ELF1: variants seen among roughly 807,000 people sequenced by gnomAD.
ELF1 encodes ETS-related transcription factor Elf-1.
ELF1 carries 24 observed loss-of-function variants against 59.9 expected under a neutral mutation model. The observed-to-expected ratio is 0.40, with a 90% CI of 0.29 to 0.56. The LOEUF is 0.56. ELF1 is among the 20% of genes least tolerant of loss of function. The pLI is 0.44. For synonymous variants in ELF1, 248 were observed against 266.2 expected (o/e 0.93, Z 0.67); for missense variants, 627 against 742.2 (o/e 0.84, Z 1.80).
chr13:40,971,439 C>G (rs1012382835), intron 2 of ELF1, among the ~76,000 whole-genome samples: 8 of 151,906 alleles, frequency 5.3e-5, no homozygotes, highest in African/African-American at 1.9e-4. Flanking sequence ...TTAATAGAAA[C>G]GGGGTCTCCC....
At chr13:41,011,235 A>G (rs2138364275) in intron 1 of ELF1, among the ~76,000 whole-genome samples, 1 of 152,338 alleles carries the variant, frequency 6.6e-6, no homozygotes, top group Middle Eastern at 3.4e-3. Flanking sequence ...TGTGTTTTTG[A>G]GAAGTATTTG....
chr13:41,013,971 T>C (rs968544611), intron 1 of ELF1, among the ~76,000 whole-genome samples: 3 of 152,070 alleles, frequency 2.0e-5, no homozygotes, highest in Non-Finnish European at 4.4e-5. Flanking sequence ...AATTGTACCA[T>C]GTAACAGCCC....
chr13:40,946,932 T>C (rs543974519), intron 5 of ELF1, among the ~76,000 whole-genome samples: 15 of 152,290 alleles, frequency 9.8e-5, no homozygotes, highest in Admixed American at 9.2e-4. Context: ...AACCCCCACA[T>C]TGTTTGGGGG....
chr13:40,956,272 C>G (rs1449778755), intron 3 of ELF1, among the ~76,000 whole-genome samples: 1 of 151,838 alleles, frequency 6.6e-6, no homozygotes, highest in Non-Finnish European at 1.5e-5. Context: ...TGTGACCTTA[C>G]CCCCAACCCT....
intron 1 of ELF1, among the ~76,000 whole-genome samples, chr13:41,034,225 A>C (rs1876284244): frequency 6.6e-6 from 1 of 152,204 alleles, no homozygotes; most frequent in South Asian, 2.1e-4. Flanking sequence ...TGAGAGAGAT[A>C]ACCATTAAGT....
At chr13:40,956,131 G>A (rs1422061833) in intron 3 of ELF1, among the ~76,000 whole-genome samples, 2 of 150,340 alleles carry the variant, frequency 1.3e-5, no homozygotes, top group Non-Finnish European at 3.0e-5. Context: ...GGAATAGAAA[G>A]GGGGGAAAGG....
chr13:41,015,920 C>T (rs1025677515), intron 1 of ELF1, among the ~76,000 whole-genome samples: 3 of 147,326 alleles, frequency 2.0e-5, no homozygotes, highest in Non-Finnish European at 4.4e-5. Flanking sequence ...TTGAAAAAGA[C>T]AGAAAAACAG....
Position 40,973,744 on chromosome 13 carries a change from C to A in ELF1, c.72+8239G>T, listed in dbSNP as rs558549143. ...CTGACAAGAAACTGACCAACACAAA[C>A]CTCATTTTAAAAAGTGTTCTTTGAA... On this transcript the variant is annotated intron_variant, in intron 2 of 8. Transcript: ENST00000239882. Among the ~76,000 whole-genome samples, 142 of 151,872 alleles carry A rather than the reference C, an allele frequency of 9.3e-4. 2 individuals are homozygous for A. In the Middle Eastern group the frequency reaches 0.01, roughly 11 times the overall value.
chr13:40,998,066 C>T (rs1874217712), intron 1 of ELF1, among the ~76,000 whole-genome samples: 1 of 152,026 alleles, frequency 6.6e-6, no homozygotes, highest in African/African-American at 2.4e-5. Flanking sequence ...AGGATCACTT[C>T]AGCCCAAAAG....
chr13:41,060,929 C>CGCCGCCGCCGCCGCCGCCGCCGCT (rs1555283696), exon 1 of ELF1: 4 of 363,634 alleles, frequency 1.1e-5, no homozygotes, highest in African/African-American at 9.1e-5. Flanking sequence ...CCGCCGCCGC[C>CGCCGCCGCCGCCGCCGCCGCCGCT]GCCGCCGCCG....
In ELF1 at chr13:41,028,086, G is replaced by A. The variant is rs79378150; in HGVS notation, c.-229+32752C>T. ...AGCAAAATTTTTACTTCCTGTTCCC[G>A]TAACTTTATGCTCTTTTGGCCTAGA... On this transcript the variant is annotated intron_variant, in intron 1 of 1. Transcript: ENST00000405737. 2.7e-3 allele frequency among the ~76,000 whole-genome samples: 418 copies of A among 152,196 alleles called. 7 individuals carry two copies. In the East Asian group the frequency reaches 0.049, roughly 18 times the overall value.
At chr13:40,976,390 A>T (rs563655630) in intron 2 of ELF1, among the ~76,000 whole-genome samples, 2 of 152,352 alleles carry the variant, frequency 1.3e-5, no homozygotes, top group East Asian at 3.9e-4. Context: ...ATGGTGAAGC[A>T]TTCCCAAAGT....
intron 1 of ELF1, among the ~76,000 whole-genome samples, chr13:41,030,899 G>A (rs761763424): frequency 9.2e-5 from 14 of 151,900 alleles, no homozygotes; most frequent in Non-Finnish European, 1.3e-4. Context: ...GGTGGCTCAC[G>A]CCTATAATCC....
intron 1 of ELF1, among the ~76,000 whole-genome samples, chr13:41,017,543 T>A (rs1294674622): frequency 6.6e-6 from 1 of 152,158 alleles, no homozygotes; most frequent in Non-Finnish European, 1.5e-5. Flanking sequence ...GGGAAATACT[T>A]AATAAATTGT....
At chr13:41,013,461 T>G (rs1386605593) in intron 1 of ELF1, among the ~76,000 whole-genome samples, 3 of 152,164 alleles carry the variant, frequency 2.0e-5, no homozygotes, top group African/African-American at 7.2e-5. Context: ...GCAAAGTCAC[T>G]ACAGAATATA....
chr13:41,052,608 T>C (rs1398137073), intron 1 of ELF1, among the ~76,000 whole-genome samples: 2 of 152,052 alleles, frequency 1.3e-5, no homozygotes, highest in Non-Finnish European at 2.9e-5. Context: ...CCCAGCACTT[T>C]AGAAAGCCAA....
intron 1 of ELF1, among the ~76,000 whole-genome samples, chr13:41,059,584 C>T (rs1877419589): frequency 6.6e-6 from 1 of 152,168 alleles, no homozygotes; most frequent in African/African-American, 2.4e-5. Flanking sequence ...TGACCAGAAA[C>T]CCATCTACAA....
chr13:41,059,805 T>C (rs1877430948), intron 1 of ELF1, among the ~76,000 whole-genome samples: 1 of 152,106 alleles, frequency 6.6e-6, no homozygotes, highest in African/African-American at 2.4e-5. Flanking sequence ...CCCTCCCCAG[T>C]CTCCAGCCAA....
intron 1 of ELF1, among the ~76,000 whole-genome samples, chr13:41,044,980 T>C (rs1332151504): frequency 3.9e-5 from 6 of 152,208 alleles, no homozygotes; most frequent in Non-Finnish European, 8.8e-5. Flanking sequence ...GAGCCTGTTA[T>C]TGGTCTATTC....
Sources: gnomAD v4.1 joint callset for allele counts (sites outside exome capture counted in the v4.1 genomes callset) on GRCh38, gnomAD v4.1.1 for gene constraint, MANE v1.5 for transcripts, NCBI Gene and HGNC (gene_info 2026-07-23, HGNC 2026-07-21) for gene names.